Variants in ITGB5 observed in about 807,000 individuals in gnomAD.
ITGB5 encodes integrin beta-5.
ITGB5 carries 38 observed loss-of-function variants against 84.8 expected under a neutral mutation model. The ratio of observed to expected loss-of-function variants is 0.45; its 90% CI spans 0.35 to 0.59. The LOEUF (loss-of-function observed/expected upper bound fraction) is 0.59, where lower values mean the gene tolerates loss of function less well. Among genes scored for constraint, ITGB5 ranks in the 20% least tolerant of loss-of-function variants. ITGB5 has a pLI of 0.01. For missense variants in ITGB5, 905 were observed against 1,034.5 expected (o/e 0.87, Z 1.72); for synonymous variants, 393 against 414.4 (o/e 0.95, Z 0.63).
intron 2 of ITGB5, among the ~76,000 whole-genome samples, chr3:124,871,090 C>T (rs1417451926): frequency 6.6e-6 from 1 of 152,116 alleles, no homozygotes; most frequent in African/African-American, 2.4e-5. Flanking sequence ...GGGGTTTCGT[C>T]ATGTTGCCCA....
intron 4 of ITGB5, among the ~76,000 whole-genome samples, chr3:124,845,021 A>G (rs1295581128): frequency 6.6e-6 from 1 of 152,268 alleles, no homozygotes; most frequent in Non-Finnish European, 1.5e-5. Context: ...GAGCTAATGA[A>G]AAGCTTATAA....
chr3:124,859,528 T>G (rs2065267780), intron 2 of ITGB5, 82 bp from the exon 3 acceptor site: 1 of 1,059,516 alleles, frequency 9.4e-7, no homozygotes, highest in Non-Finnish European at 1.4e-6. Context: ...TGCGTCTCCA[T>G]CTGGTTGACC....
At chr3:124,862,514 CAGA>C (rs1280570816) in intron 2 of ITGB5, 2 of 152,208 alleles carry the variant, frequency 1.3e-5, no homozygotes, top group Non-Finnish European at 2.9e-5. Context: ...CCCATCATTG[CAGA>C]AGAACTTGTA....
intron 10 of ITGB5, among the ~76,000 whole-genome samples, chr3:124,784,464 C>T (rs533513396): frequency 3.0e-4 from 45 of 152,276 alleles, no homozygotes; most frequent in African/African-American, 7.9e-4. Context: ...GTGATTCACA[C>T]GCCAGTCTAG....
chr3:124,844,109 A>G (rs2065045190), intron 4 of ITGB5, among the ~76,000 whole-genome samples: 1 of 150,978 alleles, frequency 6.6e-6, no homozygotes, highest in African/African-American at 2.4e-5. Flanking sequence ...ATTTTTTAAT[A>G]TATAGCCTAG....
At chr3:124,882,643 A>G (rs1934626976) in intron 1 of ITGB5, among the ~76,000 whole-genome samples, 1 of 152,216 alleles carries the variant, frequency 6.6e-6, no homozygotes, top group Non-Finnish European at 1.5e-5. Flanking sequence ...CTGGGAAACC[A>G]TTCGAAGGTT....
At chr3:124,834,516 A>ATGGG (rs2064901943) in intron 5 of ITGB5, among the ~76,000 whole-genome samples, 1 of 99,206 alleles carries the variant, frequency 1.0e-5, no homozygotes, top group South Asian at 4.9e-4. Flanking sequence ...GGAGGGAAGG[A>ATGGG]AGGAGGGAGG....
At chr3:124,809,786 C>G (rs2064469236) in intron 8 of ITGB5, among the ~76,000 whole-genome samples, 1 of 152,100 alleles carries the variant, frequency 6.6e-6, no homozygotes, top group African/African-American at 2.4e-5. Flanking sequence ...AAACAAAAAT[C>G]AAGTCAAAAT....
chr3:124,792,185 C>T (rs1009582059), intron 10 of ITGB5: 22 of 152,160 alleles, frequency 1.4e-4, no homozygotes, highest in Admixed American at 2.6e-4. Context: ...AAAATGTTCT[C>T]ATCAATGATT....
chr3:124,830,909 A>T (rs2064850533), intron 5 of ITGB5, among the ~76,000 whole-genome samples: 1 of 152,092 alleles, frequency 6.6e-6, no homozygotes, highest in Non-Finnish European at 1.5e-5. Flanking sequence ...GCTTGAACCC[A>T]GGAGGCAGAG....
At chr3:124,876,358 T>TA (rs149685135) in intron 1 of ITGB5, among the ~76,000 whole-genome samples, 3,657 of 148,026 alleles carry the variant, frequency 0.025, 127 homozygotes, top group African/African-American at 0.083. Context: ...AAATAGGGGT[T>TA]AAAAAAAAAA....
Position 124,762,342 on chromosome 3 carries a change from A to T in ITGB5, c.*1281T>A, listed in dbSNP as rs1057165125. The T allele has an allele frequency of 6.6e-6, 1 of 152,236 alleles. No homozygotes were observed. Among genetic ancestry groups the T allele is most frequent in the Non-Finnish European group, 1.5e-5 (1 of 68,040 alleles). The allele number at this position is 152,236 out of a possible 1,614,324, so 9.4% of individuals were successfully genotyped here. A position where few individuals can be genotyped will look rare whatever the true frequency, so the allele number is the denominator to read the frequency against. On this transcript the variant is annotated 3_prime_UTR_variant, in exon 15 of 15. Transcript: ENST00000296181. ...GAATGAGGAGGCTGGCCCTCTGGCC[A>T]GCATGAGATGGGGTCTTAGGAACAG...
chr3:124,888,103 A>T (rs944290263), upstream of ITGB5, among the ~76,000 whole-genome samples: 2 of 151,480 alleles, frequency 1.3e-5, no homozygotes, highest in African/African-American at 4.9e-5. Context: ...TTTTGTAGAG[A>T]TGGGGGTCTC....
At chr3:124,828,967 A>T (rs1433842403) in intron 5 of ITGB5, among the ~76,000 whole-genome samples, 2 of 152,190 alleles carry the variant, frequency 1.3e-5, no homozygotes, top group African/African-American at 4.8e-5. Context: ...TAGTATTGAT[A>T]AAATAGGGTT....
rs16836087 is a variant in ITGB5, at chr3:124,843,386, C to A, written c.612-1835G>T. ...TTTTTACACTTGGTCCGGTTGGTTG[C>A]GGACAGGGAGAAAAGAAACTGAATA... On this transcript the variant is annotated intron_variant, in intron 4 of 14. Coordinates refer to ENST00000296181, the MANE Select transcript of ITGB5 (RefSeq NM_002213.5). 2.0e-5 allele frequency among the ~76,000 whole-genome samples: 3 copies of A among 152,174 alleles called. No homozygotes were observed. The East Asian group carries it at 5.8e-4, about 29-fold the overall frequency.
At chr3:124,781,053 G>GT (rs1195158294) in intron 10 of ITGB5, 2 of 152,384 alleles carry the variant, frequency 1.3e-5, no homozygotes, top group Non-Finnish European at 2.9e-5. Flanking sequence ...GCTGAGGGCC[G>GT]TGTGACACTG....
At chr3:124,775,826 C>T (rs1380648408) in intron 10 of ITGB5, among the ~76,000 whole-genome samples, 2 of 152,198 alleles carry the variant, frequency 1.3e-5, no homozygotes, top group South Asian at 2.1e-4. Context: ...CCTCTTCACC[C>T]GCCACTTAAC....
chr3:124,882,825 A>T (rs2107652166), intron 1 of ITGB5, among the ~76,000 whole-genome samples: 1 of 152,304 alleles, frequency 6.6e-6, no homozygotes, highest in Non-Finnish European at 1.5e-5. Flanking sequence ...AAGAGAGGGC[A>T]GGGTACCCCG....
At chr3:124,770,143 G>A (rs936827325) in intron 11 of ITGB5, 1 of 152,294 alleles carries the variant, frequency 6.6e-6, no homozygotes, top group Non-Finnish European at 1.5e-5. Flanking sequence ...AAGGGGAGAG[G>A]TCCCAGGCTC....
Sources: allele counts gnomAD v4.1 joint callset (sites outside exome capture counted in the v4.1 genomes callset), GRCh38; gene constraint gnomAD v4.1.1; transcripts MANE v1.5; gene names NCBI Gene and HGNC (gene_info 2026-07-23, HGNC 2026-07-21).